Variants in ZNRF3 observed in about 807,000 individuals in gnomAD.
The protein encoded by ZNRF3 is zinc and ring finger 3, also known as E3 ubiquitin-protein ligase ZNRF3.
ZNRF3 carries 23 observed loss-of-function variants against 72.5 expected under a neutral mutation model. That is an observed-to-expected ratio of 0.32 (90% CI 0.23 to 0.45). ZNRF3 has a LOEUF of 0.45. Among genes scored for constraint, ZNRF3 ranks in the 20% least tolerant of loss-of-function variants. ZNRF3 has a pLI of 1.00. For synonymous variants in ZNRF3, 610 were observed against 545.3 expected (o/e 1.12, Z -1.65); for missense variants, 1,169 against 1,272.1 (o/e 0.92, Z 1.23).
intron 1 of ZNRF3, among the ~76,000 whole-genome samples, chr22:28,968,707 C>G (rs940247478): frequency 2.6e-5 from 4 of 152,164 alleles, no homozygotes; most frequent in Non-Finnish European, 5.9e-5. Context: ...GAAACTCCGT[C>G]TCCAAAAAAA....
chr22:28,994,203 T>TTTTTTTTTTTTTTTTTTTTTC (rs2036010263), intron 2 of ZNRF3, among the ~76,000 whole-genome samples: 1 of 96,002 alleles, frequency 1.0e-5, no homozygotes, highest in African/African-American at 3.4e-5. Flanking sequence ...TTTTTTTTTT[T>TTTTTTTTTTTTTTTTTTTTTC]GAGATGGAAT....
In ZNRF3 at chr22:29,042,513, C is replaced by T. The variant is rs1410792587; in HGVS notation, c.445C>T (p.Arg149Trp). 3.1e-6 allele frequency: 5 copies of T among 1,613,788 alleles called. No individual in the cohort carries two copies. Among genetic ancestry groups the T allele is most frequent in the Non-Finnish European group, 4.2e-6 (5 of 1,180,000 alleles). Residue 149 changes from arginine to tryptophan, a missense_variant, in exon 3 of 9, where the codon CGG (arginine) becomes TGG (tryptophan). Arg to Trp is a moderately radical substitution (Grantham distance 101). This residue lies in a region of ZNRF3 where 386 missense variants were observed against 540.7 expected (regional missense o/e 0.71). Transcript: ENST00000544604. ...VLGKAKRAVQRGATAVIFDVS... is the reference protein window; with the variant it reads ...VLGKAKRAVQWGATAVIFDVS... ...CTGGCAGGCCAAGCGAGCAGTACAGCGGGGAGCTACTGCAGTCATCTTTGA... is the reference window on the plus strand; with the variant it reads ...CTGGCAGGCCAAGCGAGCAGTACAGTGGGGAGCTACTGCAGTCATCTTTGA...
intron 2 of ZNRF3, among the ~76,000 whole-genome samples, chr22:29,000,962 A>AT (rs1019078299): frequency 2.1e-5 from 3 of 144,670 alleles, no homozygotes; most frequent in African/African-American, 5.1e-5. Context: ...TCATTTTTAG[A>AT]TTATTTTTTG....
intron 2 of ZNRF3, among the ~76,000 whole-genome samples, chr22:29,028,573 C>G (rs1196688800): frequency 1.3e-5 from 2 of 152,124 alleles, no homozygotes; most frequent in African/African-American, 4.8e-5. Context: ...TTTAGAACCC[C>G]CTGGGACAAC....
chr22:28,956,992 T>C (rs1443082947), intron 1 of ZNRF3, among the ~76,000 whole-genome samples: 1 of 152,108 alleles, frequency 6.6e-6, no homozygotes, highest in African/African-American at 2.4e-5. Flanking sequence ...GTTAAGAAGG[T>C]GGATATGAAT....
intron 2 of ZNRF3, among the ~76,000 whole-genome samples, chr22:29,011,419 G>A (rs767824708): frequency 2.4e-4 from 36 of 152,198 alleles, no homozygotes; most frequent in Non-Finnish European, 3.2e-4. Flanking sequence ...GGGGACTGGC[G>A]GCTGGCCGAA....
intron 2 of ZNRF3, among the ~76,000 whole-genome samples, chr22:29,002,496 C>A (rs2036165663): frequency 1.3e-5 from 2 of 152,316 alleles, no homozygotes; most frequent in South Asian, 4.2e-4. Flanking sequence ...GCTTCCCACC[C>A]CTGCTGCGCT....
chr22:28,898,009 C>A (rs1466732417), intron 1 of ZNRF3, among the ~76,000 whole-genome samples: 1 of 152,104 alleles, frequency 6.6e-6, no homozygotes, highest in Non-Finnish European at 1.5e-5. Flanking sequence ...GTGGCACGAT[C>A]TCATCTCACT....
chr22:28,995,096 C>G (rs1481282192), intron 2 of ZNRF3, among the ~76,000 whole-genome samples: 1 of 152,184 alleles, frequency 6.6e-6, no homozygotes, highest in Non-Finnish European at 1.5e-5. Context: ...ATTTGTTATC[C>G]TCTCTTCATG....
intron 1 of ZNRF3, among the ~76,000 whole-genome samples, chr22:28,926,239 G>C (rs1158386216): frequency 6.6e-6 from 1 of 152,222 alleles, no homozygotes; most frequent in Non-Finnish European, 1.5e-5. Flanking sequence ...TGTGCAATGG[G>C]GTGGAGGTGC....
At chr22:28,998,471 A>G (rs577419487) in intron 2 of ZNRF3, among the ~76,000 whole-genome samples, 5 of 152,178 alleles carry the variant, frequency 3.3e-5, no homozygotes, top group Non-Finnish European at 7.3e-5. Context: ...TTTAAGGAGC[A>G]CTTGGGTAGC....
chr22:28,962,049 A>T (rs2035371004), intron 1 of ZNRF3, among the ~76,000 whole-genome samples: 1 of 152,176 alleles, frequency 6.6e-6, no homozygotes, highest in Non-Finnish European at 1.5e-5. Context: ...GAATATAGGG[A>T]AGTATTAGAT....
Position 28,886,324 on chromosome 22 carries a change from T to C in ZNRF3, c.300+2258T>C, listed in dbSNP as rs1031587706. 1.6e-4 allele frequency among the ~76,000 whole-genome samples: 24 copies of C among 152,354 alleles called. 1 individual carries two copies. The highest frequency in any genetic ancestry group is 6.8e-3 in the Middle Eastern group (2 of 294). On this transcript the variant is annotated intron_variant, in intron 1 of 8. Transcript: ENST00000544604. ...GTTTTAGGGCCGCTGAGAGGGAATA[T>C]AACATTTTCTTTTGGTGAGAAATGA...
Position 28,937,215 on chromosome 22 carries a change from ATTT to A in ZNRF3, c.301-49840_301-49838del, listed in dbSNP as rs370829828. Among the ~76,000 whole-genome samples, 62 of 8,762 alleles carry A rather than the reference ATTT, an allele frequency of 7.1e-3. 1 individual carries two copies. Among genetic ancestry groups the A allele is most frequent in the South Asian group, 0.017 (3 of 176 alleles). The allele number at this position is 8,762 out of a possible 152,430, so 5.7% of individuals were successfully genotyped here. A position where few individuals can be genotyped will look rare whatever the true frequency, so the allele number is the denominator to read the frequency against. On this transcript the variant is annotated intron_variant, in intron 1 of 8. Coordinates refer to ENST00000544604, the MANE Select transcript of ZNRF3 (RefSeq NM_001206998.2). ...TATATATATATATATATATATATATATTTTTTTTTTTTTTTTTTTTTTTAACAA... is the reference window on the plus strand; with the variant it reads ...TATATATATATATATATATATATATATTTTTTTTTTTTTTTTTTTTAACAA...
At chr22:28,940,640 C>T (rs998330582) in intron 1 of ZNRF3, among the ~76,000 whole-genome samples, 1 of 152,108 alleles carries the variant, frequency 6.6e-6, no homozygotes, top group Non-Finnish European at 1.5e-5. Context: ...GAGGCTGCAG[C>T]GCCTGACCTG....
At chr22:28,947,919 A>T (rs1450691885) in intron 1 of ZNRF3, among the ~76,000 whole-genome samples, 1 of 151,362 alleles carries the variant, frequency 6.6e-6, no homozygotes, top group East Asian at 1.9e-4. Flanking sequence ...ATCTCGACTC[A>T]CTGCAATCTC....
chr22:28,909,914 T>C (rs1356847022), intron 1 of ZNRF3, among the ~76,000 whole-genome samples: 1 of 151,860 alleles, frequency 6.6e-6, no homozygotes, highest in Non-Finnish European at 1.5e-5. Context: ...ATTTAATTTT[T>C]TTTTTCTAGA....
intron 2 of ZNRF3, among the ~76,000 whole-genome samples, chr22:29,004,877 CAG>C (rs960675845): frequency 5.3e-5 from 8 of 152,210 alleles, no homozygotes; most frequent in Admixed American, 5.2e-4. Context: ...AGGGCAGGGA[CAG>C]AGCAAGAAGA....
chr22:29,020,249 CTTTTTTT>C (rs756716817), intron 2 of ZNRF3, among the ~76,000 whole-genome samples: 1 of 91,772 alleles, frequency 1.1e-5, no homozygotes, highest in South Asian at 3.9e-4. Context: ...CACAACCATC[CTTTTTTT>C]TTTTTTTTTT....
Sources: allele counts gnomAD v4.1 joint callset (sites outside exome capture counted in the v4.1 genomes callset), GRCh38; gene constraint gnomAD v4.1.1; regional missense constraint gnomAD v4.1.1; transcripts MANE v1.5; gene names NCBI Gene and HGNC (gene_info 2026-07-23, HGNC 2026-07-21).